The following KAZN variants were observed in gnomAD, a reference collection of about 807,000 sequenced individuals.
KAZN encodes the protein kazrin.
Under a neutral mutation model 87.4 loss-of-function variants are expected in KAZN, and 40 were observed. The observed-to-expected ratio is 0.46, with a 90% confidence interval of 0.36 to 0.60. KAZN has a LOEUF of 0.60. Ranked by LOEUF, KAZN falls within the 20% of genes least tolerant of loss-of-function variation. The probability of loss-of-function intolerance (pLI) is 0.00; values close to 1 mark genes in which losing one functional copy is unlikely to be tolerated. For synonymous variants in KAZN, 466 were observed against 458.3 expected (o/e 1.02, Z -0.22); for missense variants, 898 against 1,073.9 (o/e 0.84, Z 2.29).
At chr1:14,004,354 C>T (rs938933066) in intron 1 of KAZN, among the ~76,000 whole-genome samples, 36 of 152,278 alleles carry the variant, frequency 2.4e-4, no homozygotes, top group African/African-American at 7.9e-4. Flanking sequence ...ATAGACATAA[C>T]CATCTGAAAT....
chr1:14,151,456 C>T (rs1006453302), intron 1 of KAZN, among the ~76,000 whole-genome samples: 1 of 152,122 alleles, frequency 6.6e-6, no homozygotes, highest in Non-Finnish European at 1.5e-5. Flanking sequence ...TTCGTGACTG[C>T]CTGTCAGGAA....
intron 2 of KAZN, among the ~76,000 whole-genome samples, chr1:14,418,417 C>T (rs1340468798): frequency 6.6e-6 from 1 of 152,160 alleles, no homozygotes; most frequent in African/African-American, 2.4e-5. Context: ...ACTCAGGAAA[C>T]AGTGGCCACT....
intron 2 of KAZN, among the ~76,000 whole-genome samples, chr1:14,976,697 G>A (rs1475177398): frequency 6.6e-6 from 1 of 152,146 alleles, no homozygotes; most frequent in African/African-American, 2.4e-5. Context: ...GCCGTCCTGG[G>A]ACATGGACTC....
At chr1:14,088,077 G>C (rs1643894437) in intron 1 of KAZN, among the ~76,000 whole-genome samples, 1 of 150,754 alleles carries the variant, frequency 6.6e-6, no homozygotes, top group Non-Finnish European at 1.5e-5. Context: ...ACCTAGGCCT[G>C]ACGATTTGTT....
intron 2 of KAZN, among the ~76,000 whole-genome samples, chr1:14,521,482 T>C (rs1671585347): frequency 6.6e-6 from 1 of 152,226 alleles, no homozygotes; most frequent in Admixed American, 6.5e-5. Context: ...CAGGCCTTTC[T>C]GTGAAATGTG....
chr1:15,112,738 C>G (rs554377676), intron 14 of KAZN, 197 bp downstream of exon 14: 25 of 505,668 alleles, frequency 4.9e-5, no homozygotes, highest in African/African-American at 4.2e-4. Flanking sequence ...GTGCACAAAG[C>G]CCCCGCAGGG....
chr1:15,042,891 C>G (rs1385422131), intron 3 of KAZN, among the ~76,000 whole-genome samples: 1 of 152,206 alleles, frequency 6.6e-6, no homozygotes, highest in Non-Finnish European at 1.5e-5. Context: ...AAGATGGTGG[C>G]TGGGTGGATG....
At chr1:14,824,477 C>T (rs183588040) in intron 1 of KAZN, among the ~76,000 whole-genome samples, 117 of 152,222 alleles carry the variant, frequency 7.7e-4, no homozygotes, top group African/African-American at 2.8e-3. Flanking sequence ...TAGACCTACC[C>T]GGCACCCAAC....
At chr1:15,108,169 C>T (rs182029146) in intron 13 of KAZN, among the ~76,000 whole-genome samples, 1 of 152,346 alleles carries the variant, frequency 6.6e-6, no homozygotes, top group Non-Finnish European at 1.5e-5. Flanking sequence ...ACCTCCTCGG[C>T]TGACAGGCTT....
chr1:14,149,451 C>G (rs1189034273), intron 1 of KAZN, among the ~76,000 whole-genome samples: 1 of 152,110 alleles, frequency 6.6e-6, no homozygotes, highest in Non-Finnish European at 1.5e-5. Context: ...ACAGTTCACT[C>G]TCTTTCTGGA....
At chr1:14,203,140 C>T (rs146621658) in intron 2 of KAZN, among the ~76,000 whole-genome samples, 17 of 151,666 alleles carry the variant, frequency 1.1e-4, no homozygotes, top group Admixed American at 4.6e-4. Context: ...CCTATCGTGA[C>T]GTATTTTAAG....
intron 1 of KAZN, among the ~76,000 whole-genome samples, chr1:14,077,809 A>G (rs920969558): frequency 1.3e-5 from 2 of 152,012 alleles, no homozygotes; most frequent in African/African-American, 4.8e-5. Context: ...ACACGGAGAG[A>G]AGACACACCA....
rs140078264 is a variant in KAZN at position 13,940,083 on chromosome 1, C to A, written c.91+46327C>A. On this transcript the variant is annotated intron_variant, in intron 1 of 16. Transcript: ENST00000636203. ...ATCCAAACTAAATCAGGGATACTCA[C>A]CTGTAGTTTTCTTTTTTTGTTGCAT... Among the ~76,000 whole-genome samples the A allele has an allele frequency of 5.4e-3, 828 of 152,254 alleles. 6 individuals carry two copies. The highest frequency in any genetic ancestry group is 0.019 in the African/African-American group (795 of 41,542).
intron 1 of KAZN, among the ~76,000 whole-genome samples, chr1:14,116,827 A>T (rs1644632843): frequency 6.6e-6 from 1 of 152,180 alleles, no homozygotes; most frequent in South Asian, 2.1e-4. Flanking sequence ...GCTGCCCAAG[A>T]CCATAAGAAC....
intron 1 of KAZN, among the ~76,000 whole-genome samples, chr1:14,803,731 C>T (rs6671788): frequency 0.28 from 43,045 of 152,106 alleles, 7,484 homozygotes; most frequent in East Asian, 0.53. Flanking sequence ...CCTGGAGAGG[C>T]GATGCCAAGG....
chr1:14,424,197 C>T (rs903146279), intron 2 of KAZN, among the ~76,000 whole-genome samples: 1 of 152,188 alleles, frequency 6.6e-6, no homozygotes, highest in Non-Finnish European at 1.5e-5. Context: ...ATACACACCT[C>T]ACAGATTGTC....
intron 2 of KAZN, among the ~76,000 whole-genome samples, chr1:14,963,829 C>T (rs566178537): frequency 1.3e-5 from 2 of 152,012 alleles, no homozygotes; most frequent in Non-Finnish European, 1.5e-5. Flanking sequence ...CCCCTCCCTG[C>T]GTCTACATGT....
chr1:14,930,696 C>G (rs1659714886), intron 1 of KAZN, among the ~76,000 whole-genome samples: 1 of 152,240 alleles, frequency 6.6e-6, no homozygotes, highest in Admixed American at 6.5e-5. Flanking sequence ...CCATGCTGCC[C>G]TCCTGGGACC....
chr1:14,277,735 T>C (rs1364456317), intron 2 of KAZN, among the ~76,000 whole-genome samples: 1 of 151,942 alleles, frequency 6.6e-6, no homozygotes, highest in Non-Finnish European at 1.5e-5. Flanking sequence ...GTTTTGATAT[T>C]TATTAACTCA....
Sources: gnomAD v4.1 joint callset for allele counts (sites outside exome capture counted in the v4.1 genomes callset) on GRCh38, gnomAD v4.1.1 for gene constraint, MANE v1.5 for transcripts, NCBI Gene and HGNC (gene_info 2026-07-23, HGNC 2026-07-21) for gene names.